HECW2: variants seen among roughly 807,000 people sequenced by gnomAD.
HECW2 encodes E3 ubiquitin-protein ligase HECW2.
In HECW2, 61 loss-of-function variants were observed where a neutral mutation model predicts 175.2. That is an observed-to-expected ratio of 0.35 (90% confidence interval 0.28 to 0.43). HECW2 has a LOEUF of 0.43. Ranked by LOEUF, HECW2 falls within the 20% of genes least tolerant of loss-of-function variation. The probability of loss-of-function intolerance (pLI) is 1.00; values close to 1 mark genes in which losing one functional copy is unlikely to be tolerated. For missense variants in HECW2, 1,524 were observed against 2,000.5 expected (o/e 0.76, Z 4.54); for synonymous variants, 671 against 731.0 (o/e 0.92, Z 1.32).
In HECW2 at chr2:196,201,428, G is replaced by A. The variant is rs191579234; in HGVS notation, c.4608-40C>T. On this transcript the variant is annotated intron_variant, in intron 28 of 28. Coordinates refer to ENST00000644978, the MANE Select transcript of HECW2 (RefSeq NM_001348768.2). Reference sequence around the variant, plus strand: ...AACAGCACATAGTTTAGAACAGGCCGAGTGAAATGAAAATGTGTGTGGTGT... The same window carrying A: ...AACAGCACATAGTTTAGAACAGGCCAAGTGAAATGAAAATGTGTGTGGTGT... The A allele has an allele frequency of 2.6e-4, 366 of 1,423,118 alleles. 9 individuals are homozygous for A. The Admixed American group carries it at 5.8e-3, about 23-fold the overall frequency. The allele number at this position is 1,423,118 out of a possible 1,614,324, so 88.2% of individuals were successfully genotyped here. A position where few individuals can be genotyped will look rare whatever the true frequency, so the allele number is the denominator to read the frequency against.
intron 3 of HECW2, among the ~76,000 whole-genome samples, chr2:196,340,093 A>T (rs1016364128): frequency 2.0e-5 from 3 of 151,716 alleles, no homozygotes; most frequent in African/African-American, 7.3e-5. Flanking sequence ...ACTTCTGGTG[A>T]GTTAAAGATA....
At chr2:196,540,507 T>C (rs1156479495) in intron 1 of HECW2, among the ~76,000 whole-genome samples, 2 of 152,314 alleles carry the variant, frequency 1.3e-5, no homozygotes, top group East Asian at 3.9e-4. Flanking sequence ...GGCAAGATCA[T>C]AGCTCACAGT....
intron 28 of HECW2, among the ~76,000 whole-genome samples, chr2:196,208,824 G>GC (rs1687162341): frequency 6.6e-6 from 1 of 152,188 alleles, no homozygotes; most frequent in South Asian, 2.1e-4. Flanking sequence ...GCAGACCAGG[G>GC]CCCCACAGGA....
At chr2:196,217,126 T>C (rs1687502775) in intron 26 of HECW2, 33 bp from the exon 27 acceptor site, 3 of 1,518,852 alleles carry the variant, frequency 2.0e-6, no homozygotes, top group Non-Finnish European at 2.7e-6. Context: ...CCATGTTACT[T>C]TGACTCTTCT....
At chr2:196,364,761 A>G (rs562864798) in intron 2 of HECW2, among the ~76,000 whole-genome samples, 55 of 152,344 alleles carry the variant, frequency 3.6e-4, no homozygotes, top group African/African-American at 1.3e-3. Context: ...TATAAAATGA[A>G]TTCTTTAATT....
intron 19 of HECW2, among the ~76,000 whole-genome samples, chr2:196,243,176 T>C (rs1254837452): frequency 6.6e-6 from 1 of 150,870 alleles, no homozygotes; most frequent in Non-Finnish European, 1.5e-5. Flanking sequence ...GGATTCTTTT[T>C]TTTTTTTTGA....
intron 13 of HECW2, among the ~76,000 whole-genome samples, chr2:196,302,411 T>A (rs1268048415): frequency 6.6e-6 from 1 of 152,234 alleles, no homozygotes; most frequent in Non-Finnish European, 1.5e-5. Flanking sequence ...TCTTTTTTGG[T>A]TCTATATGAA....
intron 25 of HECW2, 120 bp from the exon 26 acceptor site, chr2:196,220,273 G>T: frequency 1.5e-6 from 1 of 667,584 alleles, no homozygotes; most frequent in South Asian, 1.7e-5. Context: ...ACCTTGTGTT[G>T]GCACTTGAAA....
intron 1 of HECW2, among the ~76,000 whole-genome samples, chr2:196,435,500 TGAAA>T (rs769453888): frequency 2.6e-5 from 4 of 152,176 alleles, no homozygotes; most frequent in African/African-American, 4.8e-5. Flanking sequence ...ACTACTTCCC[TGAAA>T]GAAAGAAATA....
intron 19 of HECW2, among the ~76,000 whole-genome samples, chr2:196,245,460 T>C (rs12622742): frequency 0.21 from 31,705 of 152,116 alleles, 4,064 homozygotes; most frequent in East Asian, 0.44. Flanking sequence ...TGTGAAACTT[T>C]ATACATATTG....
chr2:196,273,875 G>T, intron 16 of HECW2, 146 bp downstream of exon 16: 1 of 575,412 alleles, frequency 1.7e-6, no homozygotes, highest in Non-Finnish European at 3.1e-6. Flanking sequence ...GTAGGATTTT[G>T]TTATACATTT....
intron 28 of HECW2, 95 bp from the exon 29 acceptor site, chr2:196,201,483 ACTGT>A (rs1215838419): frequency 1.9e-5 from 12 of 647,026 alleles, no homozygotes; most frequent in African/African-American, 1.8e-4. Context: ...TGTGTGTATG[ACTGT>A]CTTTCACATT....
intron 1 of HECW2, among the ~76,000 whole-genome samples, chr2:196,485,158 G>T (rs532339107): frequency 6.6e-6 from 1 of 152,210 alleles, no homozygotes; most frequent in South Asian, 2.1e-4. Flanking sequence ...TTGGAGAAAA[G>T]AAAATATCAA....
intron 1 of HECW2, among the ~76,000 whole-genome samples, chr2:196,477,009 G>T (rs981932464): frequency 6.7e-6 from 1 of 150,258 alleles, no homozygotes; most frequent in Admixed American, 6.6e-5. Context: ...CAGGCGTGGT[G>T]GCACACACCT....
At chr2:196,434,021 A>G (rs1695796081) in intron 1 of HECW2, among the ~76,000 whole-genome samples, 1 of 152,142 alleles carries the variant, frequency 6.6e-6, no homozygotes, top group Non-Finnish European at 1.5e-5. Flanking sequence ...GCAGCACCCC[A>G]GCATTCCCCA....
intron 19 of HECW2, among the ~76,000 whole-genome samples, chr2:196,249,647 C>G (rs1278347258): frequency 2.0e-5 from 3 of 152,100 alleles, no homozygotes; most frequent in Admixed American, 2.0e-4. Flanking sequence ...TTCAGGAATC[C>G]TGGTAGAAGG....
At chr2:196,338,496 A>T (rs1292198221) in intron 3 of HECW2, among the ~76,000 whole-genome samples, 1 of 152,234 alleles carries the variant, frequency 6.6e-6, no homozygotes, top group Non-Finnish European at 1.5e-5. Context: ...CAGCTGTATT[A>T]ACCCTAGGCA....
Position 196,279,205 on chromosome 2 carries a change from C to CGG in HECW2, c.3001-544_3001-543insCC, listed in dbSNP as rs533045085. Among the ~76,000 whole-genome samples the CGG allele has an allele frequency of 5.5e-3, 830 of 152,208 alleles. 7 individuals carry two copies. The highest frequency in any genetic ancestry group is 0.02 in the Middle Eastern group (6 of 294). ...CTGGGACTACAGGCGCCCACCACCA[C>CGG]GCCCGGCTAATTTTTTGTGTATTTA... is the stretch of plus-strand genomic sequence containing the variant. On this transcript the variant is annotated intron_variant, in intron 14 of 28. Coordinates refer to ENST00000644978, the MANE Select transcript of HECW2 (RefSeq NM_001348768.2).
chr2:196,378,135 C>T (rs1694102878), intron 2 of HECW2, among the ~76,000 whole-genome samples: 1 of 152,082 alleles, frequency 6.6e-6, no homozygotes, highest in African/African-American at 2.4e-5. Flanking sequence ...GGTTAAAAAC[C>T]CAAGCTCAGA....
Sources: gnomAD v4.1 joint callset for allele counts (sites outside exome capture counted in the v4.1 genomes callset) on GRCh38, gnomAD v4.1.1 for gene constraint, MANE v1.5 for transcripts, NCBI Gene and HGNC (gene_info 2026-07-23, HGNC 2026-07-21) for gene names.